The following MYO5B variants were observed in gnomAD, a reference collection of about 807,000 sequenced individuals.
The protein encoded by MYO5B is unconventional myosin-Vb.
Under a neutral mutation model 229.3 loss-of-function variants are expected in MYO5B, and 143 were observed. That is an observed-to-expected ratio of 0.62 (90% CI 0.54 to 0.72). The LOEUF (loss-of-function observed/expected upper bound fraction) is 0.72. MYO5B is among the 30% of genes least tolerant of loss of function. The probability of loss-of-function intolerance (pLI) is 0.00; values close to 1 mark genes in which losing one functional copy is unlikely to be tolerated. For missense variants in MYO5B, 2,321 were observed against 2,331.0 expected (o/e 1.00, Z 0.09); for synonymous variants, 918 against 885.2 (o/e 1.04, Z -0.66).
chr18:50,108,090 G>T (rs1182048428), intron 1 of MYO5B, among the ~76,000 whole-genome samples: 7 of 152,140 alleles, frequency 4.6e-5, no homozygotes, highest in African/African-American at 1.4e-4. Context: ...TGTATTTTTA[G>T]TAGAGATGGG....
chr18:49,896,752 C>T (rs1433888778), intron 21 of MYO5B, among the ~76,000 whole-genome samples: 1 of 152,080 alleles, frequency 6.6e-6, no homozygotes, highest in Non-Finnish European at 1.5e-5. Context: ...TCCAGGAGGC[C>T]CAGCTGCATT....
chr18:49,835,270 G>C, intron 39 of MYO5B, 74 bp downstream of exon 39: 1 of 1,113,834 alleles, frequency 9.0e-7, no homozygotes, highest in Non-Finnish European at 1.4e-6. Context: ...AGAGAAGCAA[G>C]ATTAAAGCCC....
Position 49,997,049 on chromosome 18 carries a change from T to C in MYO5B, c.612+4206A>G, listed in dbSNP as rs922631398. On this transcript the variant is annotated intron_variant, in intron 5 of 39. Coordinates refer to ENST00000285039, the MANE Select transcript of MYO5B (RefSeq NM_001080467.3). ...GAAAGGCCTAGGTGGGTGGATCACTTGAGCCCAGGAGTTTGAGACTAGCCT... is the reference window on the plus strand; with the variant it reads ...GAAAGGCCTAGGTGGGTGGATCACTCGAGCCCAGGAGTTTGAGACTAGCCT... 1.3e-5 allele frequency among the ~76,000 whole-genome samples: 2 copies of C among 152,236 alleles called. 1 individual carries two copies. The highest frequency in any genetic ancestry group is 4.2e-4 in the South Asian group (2 of 4,814).
intron 4 of MYO5B, among the ~76,000 whole-genome samples, chr18:50,005,219 C>T (rs143719865): frequency 3.3e-5 from 5 of 152,296 alleles, no homozygotes; most frequent in Non-Finnish European, 7.4e-5. Context: ...AACCCTTCCA[C>T]GATGCATACT....
At chr18:50,042,947 T>C (rs1210101291) in intron 2 of MYO5B, among the ~76,000 whole-genome samples, 4 of 152,166 alleles carry the variant, frequency 2.6e-5, no homozygotes, top group East Asian at 1.9e-4. Flanking sequence ...TGGCCTCCTC[T>C]AGATTCTCAG....
At chr18:50,027,294 G>A (rs1598963571) in intron 4 of MYO5B, among the ~76,000 whole-genome samples, 1 of 152,312 alleles carries the variant, frequency 6.6e-6, no homozygotes, top group East Asian at 1.9e-4. Flanking sequence ...TTTGACATCA[G>A]GAAAATGCTG....
At chr18:49,909,568 C>A (rs113867709) in intron 18 of MYO5B, among the ~76,000 whole-genome samples, 250 of 152,338 alleles carry the variant, frequency 1.6e-3, no homozygotes, top group African/African-American at 5.6e-3. Flanking sequence ...TCATGTATTC[C>A]TGTGACAACC....
At chr18:49,898,607 G>A (rs1280612784) in intron 21 of MYO5B, among the ~76,000 whole-genome samples, 4 of 152,192 alleles carry the variant, frequency 2.6e-5, no homozygotes, top group Admixed American at 6.5e-5. Context: ...GGTGAAGGAT[G>A]TGGCTTGTCA....
intron 4 of MYO5B, among the ~76,000 whole-genome samples, 155 bp from the exon 5 acceptor site, chr18:50,001,566 C>T (rs2026047658): frequency 6.6e-6 from 1 of 152,184 alleles, no homozygotes; most frequent in African/African-American, 2.4e-5. Context: ...GTCTGCCCTC[C>T]CCGACACCTG....
intron 30 of MYO5B, among the ~76,000 whole-genome samples, chr18:49,854,615 T>C (rs1389119346): frequency 2.0e-5 from 3 of 152,110 alleles, no homozygotes; most frequent in Non-Finnish European, 4.4e-5. Flanking sequence ...CTTCCAGACA[T>C]GGTTACATGG....
chr18:49,993,217 T>C lies in MYO5B; in HGVS notation c.613-786A>G, dbSNP rs188049728. 1.5e-3 allele frequency among the ~76,000 whole-genome samples: 229 copies of C among 152,142 alleles called. 1 individual carries two copies. The highest frequency in any genetic ancestry group is 2.2e-3 in the Admixed American group (33 of 15,274). ...TCACATGCTTACATTTTTAGGTGGA[T>C]AAAACACTTGAAAAACACCTGCTAT... On this transcript the variant is annotated intron_variant, in intron 5 of 39. Transcript: ENST00000285039.
chr18:50,183,243 C>A (rs2144351341), intron 1 of MYO5B, among the ~76,000 whole-genome samples: 1 of 149,336 alleles, frequency 6.7e-6, no homozygotes, highest in South Asian at 2.1e-4. Flanking sequence ...CCACTCCCAC[C>A]TCCCAGTAAT....
chr18:50,020,389 T>C (rs1301331955), intron 4 of MYO5B, among the ~76,000 whole-genome samples: 3 of 152,236 alleles, frequency 2.0e-5, no homozygotes, highest in Non-Finnish European at 2.9e-5. Flanking sequence ...CAGCAGCTCC[T>C]AGCTTTCCTC....
rs2024901336 is a variant in MYO5B at position 49,906,525 on chromosome 18, T to C, written c.2308A>G (p.Met770Val). The C allele has an allele frequency of 1.9e-6, 3 of 1,614,066 alleles. No individual in the cohort carries two copies. The highest frequency in any genetic ancestry group is 1.7e-5 in the Admixed American group (1 of 60,008). ...CATCCCCGGACAGTTTTCTGGATCA[T>C]GATGGTGGCTGTCCGGAACTTGTCA... ...RADKFRTATI[M>V]IQKTVRGWLQ... Residue 770 changes from methionine to valine, a missense_variant, in exon 19 of 40, where the codon ATG becomes GTG. Around this residue, in one of 2 missense-constraint regions of MYO5B, gnomAD observed 2,113 missense variants for 2,044.7 expected, o/e 1.03. Transcript: ENST00000285039.
At chr18:49,931,304 C>G (rs2025188495) in intron 16 of MYO5B, among the ~76,000 whole-genome samples, 1 of 152,128 alleles carries the variant, frequency 6.6e-6, no homozygotes, top group Admixed American at 6.5e-5. Flanking sequence ...TCCCATGAGA[C>G]ACCCACACTC....
chr18:49,844,900 C>G (rs2024106252), intron 33 of MYO5B, among the ~76,000 whole-genome samples: 1 of 152,190 alleles, frequency 6.6e-6, no homozygotes, highest in Non-Finnish European at 1.5e-5. Context: ...AGTTTTATTT[C>G]TCCTCCACAG....
In MYO5B at chr18:49,836,724, A is replaced by T. The variant is rs778129470; in HGVS notation, c.5300T>A (p.Leu1767His). Residue 1767 changes from leucine (L) to histidine (H), a missense_variant, in exon 38 of 40, where the codon CTC (leucine) becomes CAC (histidine). By Grantham distance (99) the Leu-to-His change is moderately conservative (BLOSUM62 -3). This residue lies in a region of MYO5B where 208 missense variants were observed against 286.3 expected (regional missense o/e 0.73). Transcript: ENST00000285039. ...AEAICSLCTS[L>H]STQQIVKILN... ...AAGTGACTGTACCTGCTGGGTGCTG[A>T]GGGAGGTACACAGGGAGCAGATAGC... The T allele has an allele frequency of 6.2e-7, 1 of 1,614,078 alleles. No homozygotes were observed. The highest frequency in any genetic ancestry group is 2.2e-5 in the East Asian group (1 of 44,882).
Position 49,906,316 on chromosome 18 carries a change from C to T in MYO5B, c.2414+103G>A, listed in dbSNP as rs550387735. Reference sequence around the variant, plus strand: ...ATGCAGACATGGCCCCAACAGGAACCACTCTCAGCACAGAGGAAGAGAGAA... The same window carrying T: ...ATGCAGACATGGCCCCAACAGGAACTACTCTCAGCACAGAGGAAGAGAGAA... On this transcript the variant is annotated intron_variant, in intron 19 of 39. Transcript: ENST00000285039. 3 of 1,172,584 alleles carry T rather than the reference C, an allele frequency of 2.6e-6. No individual in the cohort carries two copies. The South Asian group carries it at 3.9e-5, about 15-fold the overall frequency. 72.6% of individuals were successfully genotyped at this position (1,172,584 alleles called of 1,614,324 possible).
At chr18:50,096,247 A>T (rs760041085) in intron 1 of MYO5B, among the ~76,000 whole-genome samples, 6 of 152,198 alleles carry the variant, frequency 3.9e-5, no homozygotes. Flanking sequence ...ACTGGGCTGC[A>T]ACTAGGCATT....
Sources: allele counts gnomAD v4.1 joint callset (sites outside exome capture counted in the v4.1 genomes callset), GRCh38; gene constraint gnomAD v4.1.1; regional missense constraint gnomAD v4.1.1; transcripts MANE v1.5; gene names NCBI Gene and HGNC (gene_info 2026-07-23, HGNC 2026-07-21).